The following FKBP15 variants were observed in gnomAD, a reference collection of about 807,000 sequenced individuals.
The protein encoded by FKBP15 is FKBP prolyl isomerase family member 15, also known as FK506-binding protein 15.
In FKBP15, 106 loss-of-function variants were observed where a neutral mutation model predicts 158.1. The observed-to-expected ratio is 0.67, with a 90% CI of 0.57 to 0.79. The LOEUF (loss-of-function observed/expected upper bound fraction) is 0.79, where lower values mean the gene tolerates loss of function less well. Among genes scored for constraint, FKBP15 ranks in the 30% least tolerant of loss-of-function variants. The pLI, the probability that FKBP15 is intolerant of heterozygous loss-of-function variation, is 0.00. For synonymous variants in FKBP15, 547 were observed against 548.6 expected, an observed-to-expected ratio of 1.00 and a Z score of 0.04; for missense variants, 1,287 against 1,479.1, an observed-to-expected ratio of 0.87 and a Z score of 2.13.
At chr9:113,167,808 C>T (rs1014109566) in intron 27 of FKBP15, among the ~76,000 whole-genome samples, 1 of 152,290 alleles carries the variant, frequency 6.6e-6, no homozygotes, top group South Asian at 2.1e-4. Context: ...AGGCGAGAAC[C>T]GGGGTTCTAA....
Position 113,198,978 on chromosome 9 carries a change from AT to A in FKBP15, c.649-56del, listed in dbSNP as rs1211754940. The A allele has an allele frequency of 3.3e-6, 4 of 1,199,054 alleles. No homozygotes were observed. Among genetic ancestry groups the A allele is most frequent in the Non-Finnish European group, 3.6e-6 (3 of 825,396 alleles). 74.3% of individuals were successfully genotyped at this position (1,199,054 alleles called of 1,614,324 possible). A position where few individuals can be genotyped will look rare whatever the true frequency, so the allele number is the denominator to read the frequency against. ...GCCAATTTCAAAAATAATAATAACC[AT>A]TATGATATTCAACTAACTACATACC... On this transcript the variant is annotated intron_variant, in intron 7 of 27. Transcript: ENST00000238256. The surrounding 1 kb of genome is among the most constrained non-coding windows in gnomAD (Gnocchi z 5.2).
At chr9:113,180,561 A>G (rs909366205) in intron 19 of FKBP15, among the ~76,000 whole-genome samples, 1 of 152,090 alleles carries the variant, frequency 6.6e-6, no homozygotes, top group African/African-American at 2.4e-5. Context: ...AGTGAGAAAA[A>G]GAAAGCAATG....
chr9:113,195,425 A>T (rs1830656802), intron 9 of FKBP15, among the ~76,000 whole-genome samples: 2 of 152,176 alleles, frequency 1.3e-5, no homozygotes, highest in Admixed American at 1.3e-4. Context: ...TTGGTTTGTT[A>T]TCTATCACCA....
intron 20 of FKBP15, among the ~76,000 whole-genome samples, chr9:113,178,249 A>G (rs1830332217): frequency 6.6e-6 from 1 of 152,148 alleles, no homozygotes; most frequent in South Asian, 2.1e-4. Context: ...GAGGCTGAAG[A>G]GTTGCAATCC....
intron 1 of FKBP15, among the ~76,000 whole-genome samples, chr9:113,213,811 T>C (rs1831065391): frequency 6.6e-6 from 1 of 152,196 alleles, no homozygotes; most frequent in Non-Finnish European, 1.5e-5. Flanking sequence ...ATTCCTTTTC[T>C]TTATCACACT....
At chr9:113,211,393 A>C (rs1241232835) in intron 2 of FKBP15, 84 bp downstream of exon 2, 1 of 1,030,448 alleles carries the variant, frequency 9.7e-7, no homozygotes, top group Non-Finnish European at 1.4e-6. Context: ...TCCTGACCTC[A>C]GGTGATCCAC....
At chr9:113,210,769 G>GT (rs139654770) in intron 2 of FKBP15, among the ~76,000 whole-genome samples, 50,813 of 151,998 alleles carry the variant, frequency 0.33, 8,744 homozygotes, top group African/African-American at 0.38. Flanking sequence ...AGCGTGGCTA[G>GT]TATAAGGCAG....
chr9:113,169,763 C>G lies in FKBP15; in HGVS notation c.2946G>C (p.Val982=), dbSNP rs1486251111. 1 of 1,607,904 alleles carries G rather than the reference C, an allele frequency of 6.2e-7. No individual in the cohort carries two copies. The highest frequency in any genetic ancestry group is 1.7e-5 in the Admixed American group (1 of 59,070). The part of the protein sequence containing the change: ...LNRERPESPM[V]PSEQVVEEAV... ...CTTCCTCGACCACCTGCTCTGAGGGCACCATGGGGGACTCTGGCCTCTCCC... is the reference window on the plus strand; with the variant it reads ...CTTCCTCGACCACCTGCTCTGAGGGGACCATGGGGGACTCTGGCCTCTCCC... The change falls in exon 26 of 28, where the codon GTG becomes GTC. Residue 982 remains valine (V), a synonymous_variant. Coordinates refer to ENST00000238256, the MANE Select transcript of FKBP15 (RefSeq NM_015258.2).
chr9:113,168,395 G>C (rs1316930453), intron 27 of FKBP15, 65 bp downstream of exon 27: 10 of 1,380,176 alleles, frequency 7.2e-6, no homozygotes, highest in Non-Finnish European at 8.2e-6. Flanking sequence ...TCTCTTCTCA[G>C]AGCCAGTAGG....
In FKBP15 at chr9:113,194,081, T is replaced by C. The variant is rs1414717371; in HGVS notation, c.953A>G (p.Asn318Ser). ...AAPSPIPGADNLSADPVVSPP... is the reference protein window; with the variant it reads ...AAPSPIPGADSLSADPVVSPP... ...TGACACAACAGGATCAGCAGAGAGG[T>C]TGTCAGCACCAGGGATGGGAGACGG... The change falls in exon 10 of 28, where the codon AAC (asparagine) becomes AGC (serine). Residue 318 changes from asparagine (N) to serine (S), a missense_variant. Transcript: ENST00000238256. The C allele has an allele frequency of 5.6e-6, 9 of 1,613,254 alleles. No homozygotes were observed. The highest frequency in any genetic ancestry group is 3.3e-5 in the Admixed American group (2 of 59,956).
chr9:113,195,088 C>T (rs917978578), intron 9 of FKBP15, among the ~76,000 whole-genome samples: 3 of 152,044 alleles, frequency 2.0e-5, no homozygotes, highest in Admixed American at 1.3e-4. Context: ...CCATTTATGC[C>T]AAGTGTTCCA....
rs373851553 is a variant in FKBP15, at chr9:113,169,211, C to T, written c.3485+13G>A. 1.6e-5 allele frequency: 25 copies of T among 1,606,722 alleles called. No individual in the cohort carries two copies. In the African/African-American group the frequency reaches 3.3e-4, roughly 21 times the overall value. On this transcript the variant is annotated intron_variant, in intron 26 of 27. Transcript: ENST00000238256. Reference sequence around the variant, plus strand: ...ACTACCCTGTCCCTGAAGCAGTGCTCAGAGGAACATACCTGGAACGCTGGG... The same window carrying T: ...ACTACCCTGTCCCTGAAGCAGTGCTTAGAGGAACATACCTGGAACGCTGGG...
At position 113,166,080 on chromosome 9, in the gene FKBP15, A is replaced by C; in HGVS notation, c.3658T>G (p.Ter1220GlyextTer26). 1 of 1,613,252 alleles carries C rather than the reference A, an allele frequency of 6.2e-7. No homozygotes were observed. Among genetic ancestry groups the C allele is most frequent in the African/African-American group, 1.3e-5 (1 of 75,020 alleles). ...CTTTGCACCAGTTTCCTGGGTCTTCATCCCAGCCAGTCAATGTCATCGTCA... is the reference window on the plus strand; with the variant it reads ...CTTTGCACCAGTTTCCTGGGTCTTCCTCCCAGCCAGTCAATGTCATCGTCA... ...DDDDDIDWLG[*>G] Residue 1220 changes from the stop codon to glycine (G), a stop_lost, in exon 28 of 28, where the codon TGA becomes GGA. Transcript: ENST00000238256.
Position 113,198,764 on chromosome 9 carries a change from AT to A in FKBP15, c.717+90del. 1 of 949,096 alleles carries A rather than the reference AT, an allele frequency of 1.1e-6. No individual in the cohort carries two copies. The highest frequency in any genetic ancestry group is 1.6e-6 in the Non-Finnish European group (1 of 637,248). The allele number at this position is 949,096 out of a possible 1,614,324, so 58.8% of individuals were successfully genotyped here. A position where few individuals can be genotyped will look rare whatever the true frequency, so the allele number is the denominator to read the frequency against. On this transcript the variant is annotated intron_variant, in intron 8 of 27. Transcript: ENST00000238256. The surrounding 1 kb of genome is among the most constrained non-coding windows in gnomAD (Gnocchi z 5.2). The stretch of plus-strand genomic sequence containing the variant: ...CGAAACTCCGTCTCAAAAAATAAAA[AT>A]AAAATAAAAAAAGGAATTCCACAAA...
chr9:113,161,225 G>A lies in FKBP15; in HGVS notation c.*4853C>T, dbSNP rs563875262. ...TACTCATCACTTAACAAGAAGTCAC[G>A]ACAGATTTGTGCAGCCTGCTGGGGG... On this transcript the variant is annotated 3_prime_UTR_variant, in exon 28 of 28. Transcript: ENST00000238256. 9 of 434,532 alleles carry A rather than the reference G, an allele frequency of 2.1e-5. No individual in the cohort carries two copies. Among genetic ancestry groups the A allele is most frequent in the African/African-American group, 1.0e-4 (5 of 49,208 alleles). The allele number at this position is 434,532 out of a possible 1,614,324, so 26.9% of individuals were successfully genotyped here.
At chr9:113,189,662 C>A (rs1291090724) in intron 12 of FKBP15, among the ~76,000 whole-genome samples, 2 of 151,842 alleles carry the variant, frequency 1.3e-5, no homozygotes, top group East Asian at 3.9e-4. Flanking sequence ...AAGTATATTC[C>A]AGAAAAAATT....
intron 27 of FKBP15, among the ~76,000 whole-genome samples, chr9:113,168,117 A>G (rs1256238763): frequency 6.6e-6 from 1 of 152,178 alleles, no homozygotes; most frequent in Non-Finnish European, 1.5e-5. Flanking sequence ...AGTCCTTTCC[A>G]ATTCTAAAAT....
chr9:113,197,632 G>A (rs966328003), intron 8 of FKBP15, among the ~76,000 whole-genome samples: 5 of 152,302 alleles, frequency 3.3e-5, no homozygotes, highest in African/African-American at 1.2e-4. Context: ...TCGTGCCACT[G>A]CACTCCAGCC....
intron 22 of FKBP15, 44 bp downstream of exon 22, chr9:113,174,384 T>G: frequency 6.2e-7 from 1 of 1,600,578 alleles, no homozygotes; most frequent in South Asian, 1.1e-5. Flanking sequence ...TCTGAGTCCT[T>G]CACACCTTCC....
Sources: gnomAD v4.1 joint callset for allele counts (sites outside exome capture counted in the v4.1 genomes callset) on GRCh38, gnomAD v4.1.1 for gene constraint, Gnocchi (gnomAD v3.1) non-coding constraint, MANE v1.5 for transcripts, NCBI Gene and HGNC (gene_info 2026-07-23, HGNC 2026-07-21) for gene names.